ULK4: variants seen among roughly 807,000 people sequenced by gnomAD.
ULK4 encodes the protein unc-51 like kinase 4.
A neutral mutation model predicts 160.6 loss-of-function variants in ULK4; 133 were observed. The observed-to-expected ratio is 0.83, with a 90% CI of 0.72 to 0.96. ULK4 has a LOEUF of 0.96. Ranked by LOEUF, ULK4 falls within the 40% of genes least tolerant of loss-of-function variation. The pLI is 0.00. For missense variants in ULK4, 1,580 were observed against 1,499.5 expected (o/e 1.05, Z -0.89); for synonymous variants, 534 against 539.8 (o/e 0.99, Z 0.15).
chr3:41,580,663 G>A (rs550823134), intron 31 of ULK4, among the ~76,000 whole-genome samples: 1 of 152,282 alleles, frequency 6.6e-6, no homozygotes, highest in Admixed American at 6.5e-5. Flanking sequence ...TGTCCTTATA[G>A]CAACTAGAGC....
intron 35 of ULK4, among the ~76,000 whole-genome samples, chr3:41,257,060 C>T (rs779394572): frequency 1.6e-4 from 24 of 152,086 alleles, no homozygotes; most frequent in Non-Finnish European, 2.5e-4. Flanking sequence ...AATAAGAGAA[C>T]GACCAGCCTA....
chr3:41,807,192 C>T (rs1029525550), intron 19 of ULK4, among the ~76,000 whole-genome samples: 4 of 151,690 alleles, frequency 2.6e-5, no homozygotes, highest in Non-Finnish European at 5.9e-5. Context: ...TATATGATAC[C>T]TTAATTAAAA....
chr3:41,518,025 G>C (rs2085810723), intron 32 of ULK4, among the ~76,000 whole-genome samples: 1 of 152,180 alleles, frequency 6.6e-6, no homozygotes, highest in Non-Finnish European at 1.5e-5. Context: ...GTGTCTAACG[G>C]GAAAGGAAAT....
Position 41,907,509 on chromosome 3 carries a change from G to C in ULK4, c.1182+336C>G, listed in dbSNP as rs116987885. ...GGACAGGGTCTCGCTATGTTGGCCA[G>C]GCTGGTCTCCAACTCCTGGCCTCAA... On this transcript the variant is annotated intron_variant, in intron 12 of 36. Coordinates refer to ENST00000301831, the MANE Select transcript of ULK4 (RefSeq NM_017886.4). 1.7e-3 allele frequency among the ~76,000 whole-genome samples: 253 copies of C among 152,024 alleles called. 3 individuals carry two copies. In the East Asian group the frequency reaches 0.032, roughly 19 times the overall value.
intron 21 of ULK4, among the ~76,000 whole-genome samples, chr3:41,775,722 T>C (rs767551796): frequency 3.3e-5 from 5 of 150,836 alleles, no homozygotes; most frequent in African/African-American, 1.0e-4. Context: ...TTTTTAAACA[T>C]TGAAACAACA....
chr3:41,918,752 C>T (rs1275013759), intron 6 of ULK4, among the ~76,000 whole-genome samples: 2 of 152,002 alleles, frequency 1.3e-5, no homozygotes, highest in Non-Finnish European at 2.9e-5. Context: ...CAGGCGCACG[C>T]TGCCACGCCC....
intron 33 of ULK4, among the ~76,000 whole-genome samples, chr3:41,458,556 A>G (rs1439365655): frequency 6.6e-6 from 1 of 152,240 alleles, no homozygotes; most frequent in Middle Eastern, 3.4e-3. Context: ...ATAGCAATAC[A>G]GCATTACCTA....
intron 31 of ULK4, among the ~76,000 whole-genome samples, chr3:41,600,918 T>C (rs1408657165): frequency 2.0e-5 from 3 of 152,180 alleles, no homozygotes; most frequent in African/African-American, 7.2e-5. Flanking sequence ...GAGGTAGCTC[T>C]AGTTGAGAAG....
intron 32 of ULK4, among the ~76,000 whole-genome samples, chr3:41,502,962 T>C (rs138157422): frequency 1.3e-5 from 2 of 152,178 alleles, no homozygotes; most frequent in Non-Finnish European, 2.9e-5. Flanking sequence ...TGTCCATTAA[T>C]TGCTGTAAAA....
intron 31 of ULK4, among the ~76,000 whole-genome samples, chr3:41,567,488 G>A (rs368391887): frequency 9.7e-4 from 121 of 124,546 alleles, no homozygotes; most frequent in Admixed American, 1.2e-3. Context: ...TCGCTCTGTC[G>A]CCAGGCTGGA....
intron 2 of ULK4, among the ~76,000 whole-genome samples, chr3:41,947,570 G>A (rs377261390): frequency 1.3e-5 from 2 of 152,188 alleles, no homozygotes. Context: ...AGATCAGGAT[G>A]ATACTGACAT....
intron 29 of ULK4, among the ~76,000 whole-genome samples, chr3:41,667,857 C>T (rs572738974): frequency 2.0e-5 from 3 of 152,200 alleles, no homozygotes; most frequent in South Asian, 2.1e-4. Context: ...ATCACATATT[C>T]GGGACCTAAG....
At chr3:41,907,804 C>T (rs774884899) in intron 12 of ULK4, 41 bp downstream of exon 12, 22 of 1,327,458 alleles carry the variant, frequency 1.7e-5, no homozygotes, top group Non-Finnish European at 2.3e-5. Flanking sequence ...TTGTGAGCTT[C>T]TACATCTTAT....
intron 30 of ULK4, among the ~76,000 whole-genome samples, chr3:41,617,258 G>C (rs116699364): frequency 0.022 from 3,295 of 152,324 alleles, 128 homozygotes; most frequent in African/African-American, 0.075. Flanking sequence ...CCAGCACAGA[G>C]CACCAGCTCT....
chr3:41,517,738 G>C (rs1448166132), intron 32 of ULK4, among the ~76,000 whole-genome samples: 2 of 152,194 alleles, frequency 1.3e-5, no homozygotes, highest in Non-Finnish European at 2.9e-5. Flanking sequence ...GGCAGCAAGG[G>C]CGCCTCTGCC....
At chr3:41,736,335 A>G (rs2038048529) in intron 22 of ULK4, among the ~76,000 whole-genome samples, 2 of 151,724 alleles carry the variant, frequency 1.3e-5, no homozygotes, top group South Asian at 4.2e-4. Context: ...CTATTTCTCC[A>G]CATCCTCTCC....
intron 35 of ULK4, among the ~76,000 whole-genome samples, chr3:41,354,995 A>G (rs541770243): frequency 1.2e-4 from 19 of 152,304 alleles, no homozygotes; most frequent in African/African-American, 4.1e-4. Flanking sequence ...CTGTTCATCA[A>G]TTCTAAAGGA....
intron 35 of ULK4, among the ~76,000 whole-genome samples, chr3:41,255,296 A>C (rs1337895691): frequency 6.6e-6 from 1 of 152,144 alleles, no homozygotes; most frequent in Non-Finnish European, 1.5e-5. Flanking sequence ...AGCCTGGCTG[A>C]CACGGTGAAA....
At chr3:41,502,082 G>T (rs1318565503) in intron 32 of ULK4, among the ~76,000 whole-genome samples, 1 of 152,072 alleles carries the variant, frequency 6.6e-6, no homozygotes, top group Non-Finnish European at 1.5e-5. Context: ...CATATTTTCT[G>T]TATTTATTCA....
Sources: gnomAD v4.1 joint callset for allele counts (sites outside exome capture counted in the v4.1 genomes callset) on GRCh38, gnomAD v4.1.1 for gene constraint, MANE v1.5 for transcripts, NCBI Gene and HGNC (gene_info 2026-07-23, HGNC 2026-07-21) for gene names.